Variants in NEK4 observed in about 807,000 individuals in gnomAD.
NEK4 encodes NIMA related kinase 4, also known as serine/threonine-protein kinase Nek4.
In NEK4, 86 loss-of-function variants were observed where a neutral mutation model predicts 98.4. The ratio of observed to expected loss-of-function variants is 0.87; its 90% CI spans 0.73 to 1.05. NEK4 has a LOEUF of 1.05. NEK4 is among the 50% of genes least tolerant of loss of function. The probability of loss-of-function intolerance (pLI) is 0.00; values close to 1 mark genes in which losing one functional copy is unlikely to be tolerated. For synonymous variants in NEK4, 328 were observed against 342.2 expected (o/e 0.96, Z 0.46); for missense variants, 898 against 950.3 (o/e 0.94, Z 0.72).
intron 5 of NEK4, 137 bp from the exon 6 acceptor site, chr3:52,761,073 C>A (rs11707525): frequency 1.7e-6 from 1 of 579,818 alleles, no homozygotes; most frequent in East Asian, 2.9e-5. Context: ...TTCTAAAAAT[C>A]TAAGGGGCAT....
chr3:52,736,255 A>C (rs1397242563), intron 15 of NEK4, among the ~76,000 whole-genome samples: 1 of 152,130 alleles, frequency 6.6e-6, no homozygotes, highest in African/African-American at 2.4e-5. Context: ...TATTTTAAAA[A>C]TCCATTGATC....
At chr3:52,766,757 C>A (rs1006564312) in intron 2 of NEK4, among the ~76,000 whole-genome samples, 1 of 151,900 alleles carries the variant, frequency 6.6e-6, no homozygotes, top group African/African-American at 2.4e-5. Context: ...GAGGCCGAGG[C>A]GGGTGGATCA....
At chr3:52,754,401 T>C (rs2097411050) in intron 6 of NEK4, 2 of 485,776 alleles carry the variant, frequency 4.1e-6, no homozygotes, top group Admixed American at 5.0e-5. Context: ...AAAAGCCCCC[T>C]AAACCCAGAG....
At position 52,709,506 on chromosome 3, in the gene NEK4, C is replaced by T. The variant is rs184195635; in HGVS notation, c.*2271G>A. 6.6e-6 allele frequency: 1 copy of T among 151,760 alleles called. No homozygotes were observed. The highest frequency in any genetic ancestry group is 2.4e-5 in the African/African-American group (1 of 41,402). 9.4% of individuals were successfully genotyped at this position (151,760 alleles called of 1,614,324 possible). A position where few individuals can be genotyped will look rare whatever the true frequency, so the allele number is the denominator to read the frequency against. On this transcript the variant is annotated 3_prime_UTR_variant, in exon 16 of 16. Coordinates refer to ENST00000233027, the MANE Select transcript of NEK4 (RefSeq NM_003157.6). ...AGGACTGCTTGAATGCAGTTTGAGA[C>T]CAGCCTGGGCAACACAGACTTCCTC...
chr3:52,743,568 A>C lies in NEK4; in HGVS notation c.1895-107T>G. 1.2e-5 allele frequency: 9 copies of C among 758,878 alleles called. 1 individual carries two copies. The highest frequency in any genetic ancestry group is 3.1e-5 in the South Asian group (2 of 64,846). The allele number at this position is 758,878 out of a possible 1,614,324, so 47.0% of individuals were successfully genotyped here. Reference sequence around the variant, plus strand: ...CCCCAGCAGGAGCTAGCCCAAAAGTAAGTCAAACAGCATATTTATCATTTC... The same window carrying C: ...CCCCAGCAGGAGCTAGCCCAAAAGTCAGTCAAACAGCATATTTATCATTTC... On this transcript the variant is annotated intron_variant, in intron 11 of 15. Coordinates refer to ENST00000233027, the MANE Select transcript of NEK4 (RefSeq NM_003157.6).
At chr3:52,747,013 TC>T (rs1295381276) in intron 8 of NEK4, 109 bp from the exon 9 acceptor site, 9 of 801,144 alleles carry the variant, frequency 1.1e-5, no homozygotes, top group Admixed American at 2.7e-5. Context: ...ATGAAAACTT[TC>T]CTCAGTTTTA....
intron 5 of NEK4, among the ~76,000 whole-genome samples, chr3:52,761,635 T>C (rs1175610446): frequency 1.3e-5 from 2 of 152,156 alleles, no homozygotes; most frequent in Non-Finnish European, 2.9e-5. Flanking sequence ...GACAAATGCA[T>C]TAGGGTATGT....
chr3:52,712,756 CTGCTGGCA>C (rs1386213313), intron 15 of NEK4, among the ~76,000 whole-genome samples: 2 of 152,018 alleles, frequency 1.3e-5, no homozygotes, highest in South Asian at 4.1e-4. Context: ...GGTCGATGGC[CTGCTGGCA>C]TGCTGGCATC....
intron 14 of NEK4, among the ~76,000 whole-genome samples, chr3:52,738,606 AT>A (rs1278214206): frequency 6.6e-6 from 1 of 151,776 alleles, no homozygotes; most frequent in African/African-American, 2.4e-5. Flanking sequence ...ATGAGCCACT[AT>A]GCCTGGCTAA....
intron 15 of NEK4, among the ~76,000 whole-genome samples, chr3:52,722,170 T>A (rs2097360704): frequency 6.6e-6 from 1 of 152,168 alleles, no homozygotes; most frequent in South Asian, 2.1e-4. Context: ...CTTCCCCACC[T>A]TAAGGTAGGG....
intron 2 of NEK4, 116 bp downstream of exon 2, chr3:52,768,221 AT>A: frequency 1.1e-6 from 1 of 929,742 alleles, no homozygotes; most frequent in South Asian, 1.7e-5. Flanking sequence ...TCACAAATGA[AT>A]TTTCCAAAAA....
rs767363605 is a variant in NEK4 at position 52,737,651 on chromosome 3, G to A, written c.2368C>T (p.Leu790=). The A allele has an allele frequency of 6.2e-7, 1 of 1,613,804 alleles. No individual in the cohort carries two copies. The highest frequency in any genetic ancestry group is 1.7e-5 in the Admixed American group (1 of 60,016). Residue 790 remains leucine (L), a synonymous_variant, in exon 15 of 16, where the codon CTG becomes TTG. Coordinates refer to ENST00000233027, the MANE Select transcript of NEK4 (RefSeq NM_003157.6). The stretch of plus-strand genomic sequence containing the variant: ...ACCTGCTCTAAAAGCTGAACTCCCA[G>A]GCCACGAATTACATCAGTTCTCAAG... ...EVLRTDVIRG[L]GVQLLEQVYD...
intron 6 of NEK4, chr3:52,753,783 A>T: frequency 3.8e-6 from 2 of 522,988 alleles, no homozygotes; most frequent in South Asian, 2.9e-5. Context: ...TTGGTTGCGG[A>T]GCAGACGTTA....
chr3:52,765,812 A>T, intron 4 of NEK4, 75 bp downstream of exon 4: 1 of 868,926 alleles, frequency 1.2e-6, no homozygotes, highest in Non-Finnish European at 1.9e-6. Flanking sequence ...CAAAATCATC[A>T]ATGATTTTGC....
intron 15 of NEK4, among the ~76,000 whole-genome samples, chr3:52,727,974 T>C (rs1013162013): frequency 1.3e-5 from 2 of 152,220 alleles, no homozygotes; most frequent in Admixed American, 1.3e-4. Context: ...GGCCAATGAC[T>C]GTAATCTCAG....
intron 15 of NEK4, among the ~76,000 whole-genome samples, chr3:52,718,490 AAAG>A: frequency 6.6e-6 from 1 of 151,890 alleles, no homozygotes; most frequent in Non-Finnish European, 1.5e-5. Context: ...AAAAAAAAAA[AAAG>A]AAATACAATT....
intron 9 of NEK4, 110 bp downstream of exon 9, chr3:52,746,624 G>A: frequency 3.2e-6 from 3 of 944,004 alleles, no homozygotes; most frequent in South Asian, 1.7e-5. Flanking sequence ...TCACCCTTCT[G>A]TATTATGTTC....
chr3:52,764,499 C>T (rs1316596468), intron 4 of NEK4, among the ~76,000 whole-genome samples: 3 of 151,704 alleles, frequency 2.0e-5, no homozygotes, highest in South Asian at 2.1e-4. Context: ...GGCGTGGTGG[C>T]GGGCACCTGT....
At chr3:52,749,437 G>A (rs893428707) in intron 8 of NEK4, among the ~76,000 whole-genome samples, 2 of 151,926 alleles carry the variant, frequency 1.3e-5, no homozygotes, top group South Asian at 2.1e-4. Flanking sequence ...CTGGACGGGA[G>A]ACAATATTTT....
Sources: allele counts gnomAD v4.1 joint callset (sites outside exome capture counted in the v4.1 genomes callset), GRCh38; gene constraint gnomAD v4.1.1; transcripts MANE v1.5; gene names NCBI Gene and HGNC (gene_info 2026-07-23, HGNC 2026-07-21).